Variants in ANK2 observed in about 807,000 individuals in gnomAD.
ANK2 encodes ankyrin-2.
In ANK2, 83 loss-of-function variants were observed where a neutral mutation model predicts 360.5. The ratio of observed to expected loss-of-function variants is 0.23; its 90% CI spans 0.19 to 0.28. The LOEUF (loss-of-function observed/expected upper bound fraction) is 0.28. ANK2 is among the 10% of genes least tolerant of loss of function. The pLI is 1.00. For missense variants in ANK2, 4,201 were observed against 4,795.7 expected (o/e 0.88, Z 3.66); for synonymous variants, 1,740 against 1,759.5 (o/e 0.99, Z 0.28).
intron 2 of ANK2, among the ~76,000 whole-genome samples, chr4:112,911,397 C>T (rs944524499): frequency 2.0e-5 from 3 of 151,800 alleles, no homozygotes; most frequent in African/African-American, 7.3e-5. Context: ...GTGGTTGGCA[C>T]CTGTACTTCC....
chr4:112,750,578 A>G, the ANK2 span, among the ~76,000 whole-genome samples: 2 of 152,108 alleles, frequency 1.3e-5, no homozygotes, highest in Non-Finnish European at 1.5e-5. Flanking sequence ...GGGTTCTTGT[A>G]TCTTGTGCAA....
intron 1 of ANK2, among the ~76,000 whole-genome samples, chr4:113,163,764 CAAA>C (rs1158530849): frequency 7.3e-4 from 40 of 55,026 alleles, no homozygotes; most frequent in African/African-American, 2.0e-3. Context: ...AACTTCGTCT[CAAA>C]AAAAAAAAAA....
intron 1 of ANK2, among the ~76,000 whole-genome samples, chr4:113,136,280 C>T (rs910628189): frequency 3.3e-5 from 5 of 152,132 alleles, no homozygotes; most frequent in African/African-American, 1.2e-4. Context: ...TCTTGTTGGC[C>T]AGGCAGGGCT....
intron 1 of ANK2, among the ~76,000 whole-genome samples, chr4:112,827,992 A>T (rs1050819654): frequency 1.3e-5 from 2 of 152,236 alleles, no homozygotes; most frequent in African/African-American, 2.4e-5. Context: ...TAACCAAAAC[A>T]GCATAGTACT....
the ANK2 span, among the ~76,000 whole-genome samples, chr4:112,785,518 G>A: frequency 6.6e-6 from 1 of 151,446 alleles, no homozygotes; most frequent in Non-Finnish European, 1.5e-5. Flanking sequence ...GGTGACAGAA[G>A]CCCACCACCA....
At chr4:113,092,896 C>A (rs946371351) in intron 1 of ANK2, among the ~76,000 whole-genome samples, 7 of 152,040 alleles carry the variant, frequency 4.6e-5, no homozygotes, top group Non-Finnish European at 7.4e-5. Context: ...ATCTACTACA[C>A]AGATATATAA....
chr4:112,973,271 T>G (rs1257120080), intron 2 of ANK2, among the ~76,000 whole-genome samples: 1 of 152,226 alleles, frequency 6.6e-6, no homozygotes, highest in East Asian at 1.9e-4. Flanking sequence ...GATTTTATTT[T>G]GAAAATTAAG....
At chr4:113,005,644 A>T (rs1429337236) in intron 2 of ANK2, among the ~76,000 whole-genome samples, 1 of 152,176 alleles carries the variant, frequency 6.6e-6, no homozygotes, top group Non-Finnish European at 1.5e-5. Flanking sequence ...ATACAGTTAG[A>T]TAGAAGAAAT....
At chr4:113,217,347 G>A (rs559364875) in intron 4 of ANK2, among the ~76,000 whole-genome samples, 26 of 152,096 alleles carry the variant, frequency 1.7e-4, no homozygotes, top group Admixed American at 1.0e-3. Context: ...GTTTGTTCGG[G>A]GTTGCACTTA....
chr4:113,229,605 A>G (rs889000660), intron 4 of ANK2, among the ~76,000 whole-genome samples: 3 of 152,266 alleles, frequency 2.0e-5, no homozygotes, highest in Admixed American at 2.0e-4. Context: ...GAGAGGATGA[A>G]CCCAAGGAAG....
the ANK2 span, among the ~76,000 whole-genome samples, chr4:112,733,540 A>G: frequency 6.6e-6 from 1 of 152,204 alleles, no homozygotes; most frequent in Non-Finnish European, 1.5e-5. Context: ...ATAACTTACC[A>G]TGACTTTGCA....
chr4:113,238,805 C>T lies in ANK2; in HGVS notation c.693+1183C>T, dbSNP rs529912579. On this transcript the variant is annotated intron_variant, in intron 7 of 45. Transcript: ENST00000357077. ...CCTACTTCCATGTTAATCAGGGAAGCGTTCCTCTGAAGGGCTGATACCAGT... is the reference window on the plus strand; with the variant it reads ...CCTACTTCCATGTTAATCAGGGAAGTGTTCCTCTGAAGGGCTGATACCAGT... Among the ~76,000 whole-genome samples, 5 of 152,250 alleles carry T rather than the reference C, an allele frequency of 3.3e-5. No homozygotes were observed. In the East Asian group the frequency reaches 5.8e-4, roughly 18 times the overall value.
At chr4:113,223,458 C>T (rs897129806) in intron 4 of ANK2, among the ~76,000 whole-genome samples, 2 of 151,994 alleles carry the variant, frequency 1.3e-5, no homozygotes, top group Non-Finnish European at 2.9e-5. Flanking sequence ...GTGTGTTTTC[C>T]AGTAAATATA....
the ANK2 span, among the ~76,000 whole-genome samples, chr4:112,806,098 T>C: frequency 6.6e-6 from 1 of 152,178 alleles, no homozygotes; most frequent in Non-Finnish European, 1.5e-5. Flanking sequence ...TTTAAAAATA[T>C]ACCATAAATT....
At chr4:113,194,161 G>A (rs901498794) in intron 2 of ANK2, among the ~76,000 whole-genome samples, 1 of 152,104 alleles carries the variant, frequency 6.6e-6, no homozygotes, top group African/African-American at 2.4e-5. Context: ...CCTAGCAAAT[G>A]CTTATGGATT....
chr4:112,744,411 A>T, the ANK2 span, among the ~76,000 whole-genome samples: 1 of 146,982 alleles, frequency 6.8e-6, no homozygotes, highest in Non-Finnish European at 1.5e-5. Context: ...CAGTGGCACG[A>T]CCTCGGCTCA....
At chr4:112,864,899 G>A (rs911663908) in intron 1 of ANK2, among the ~76,000 whole-genome samples, 3 of 151,510 alleles carry the variant, frequency 2.0e-5, no homozygotes, top group African/African-American at 4.8e-5. Context: ...GGGCGTGGTG[G>A]TGGGCGCCTG....
the ANK2 span, among the ~76,000 whole-genome samples, chr4:112,735,285 T>C: frequency 6.6e-6 from 1 of 152,108 alleles, no homozygotes; most frequent in Non-Finnish European, 1.5e-5. Context: ...GAGCTGAGAT[T>C]GTGCCACTGC....
chr4:113,079,863 A>T (rs2081603470), intron 1 of ANK2, among the ~76,000 whole-genome samples: 1 of 151,818 alleles, frequency 6.6e-6, no homozygotes. Flanking sequence ...TTATCTATTA[A>T]TTTAAATAAA....
Sources: allele counts gnomAD v4.1 joint callset (sites outside exome capture counted in the v4.1 genomes callset), GRCh38; gene constraint gnomAD v4.1.1; transcripts MANE v1.5; gene names NCBI Gene and HGNC (gene_info 2026-07-23, HGNC 2026-07-21).